KCNIP1: variants seen among roughly 807,000 people sequenced by gnomAD.
The protein encoded by KCNIP1 is A-type potassium channel modulatory protein KCNIP1.
A neutral mutation model predicts 33.0 loss-of-function variants in KCNIP1; 18 were observed. That is an observed-to-expected ratio of 0.55 (90% CI 0.38 to 0.81). KCNIP1 has a LOEUF of 0.81. Among genes scored for constraint, KCNIP1 ranks in the 30% least tolerant of loss-of-function variants. KCNIP1 has a pLI of 0.00. For missense variants in KCNIP1, 238 were observed against 271.6 expected (o/e 0.88, Z 0.87); for synonymous variants, 93 against 98.3 (o/e 0.95, Z 0.32).
chr5:170,670,906 A>AAT (rs1554109758), intron 1 of KCNIP1, among the ~76,000 whole-genome samples: 1 of 131,186 alleles, frequency 7.6e-6, no homozygotes, highest in African/African-American at 3.5e-5. Flanking sequence ...AAAAAACAAA[A>AAT]AAAAAAATAA....
chr5:170,537,482 C>A (rs888741151), intron 1 of KCNIP1, among the ~76,000 whole-genome samples: 2 of 152,194 alleles, frequency 1.3e-5, no homozygotes, highest in Admixed American at 1.3e-4. Flanking sequence ...GTAAATGCCT[C>A]CTCACCCCCT....
intron 1 of KCNIP1, among the ~76,000 whole-genome samples, chr5:170,638,442 A>G (rs1339408137): frequency 6.6e-6 from 1 of 152,174 alleles, no homozygotes; most frequent in East Asian, 1.9e-4. Flanking sequence ...AACTTACCCA[A>G]GGTCACACAA....
intron 1 of KCNIP1, among the ~76,000 whole-genome samples, chr5:170,443,403 C>T (rs1291711849): frequency 1.3e-5 from 2 of 152,146 alleles, no homozygotes; most frequent in Non-Finnish European, 2.9e-5. Context: ...AGGTCAAAAC[C>T]AATTCATGGA....
At chr5:170,471,677 G>T (rs1756731500) in intron 1 of KCNIP1, among the ~76,000 whole-genome samples, 1 of 152,114 alleles carries the variant, frequency 6.6e-6, no homozygotes, top group Admixed American at 6.5e-5. Context: ...GTGCTGAACT[G>T]AACTGCTGCT....
At chr5:170,521,573 A>G (rs962440641) in intron 1 of KCNIP1, among the ~76,000 whole-genome samples, 4 of 152,238 alleles carry the variant, frequency 2.6e-5, no homozygotes, top group Admixed American at 2.0e-4. Flanking sequence ...AAGTAACATC[A>G]GCTTACGTCT....
intron 1 of KCNIP1, among the ~76,000 whole-genome samples, chr5:170,505,921 G>A (rs937117430): frequency 4.6e-5 from 7 of 152,218 alleles, no homozygotes; most frequent in Non-Finnish European, 1.0e-4. Context: ...TGGCAAGGAA[G>A]GGACTGGTTG....
chr5:170,368,404 A>G (rs550854634), intron 1 of KCNIP1, among the ~76,000 whole-genome samples: 1 of 152,262 alleles, frequency 6.6e-6, no homozygotes, highest in East Asian at 1.9e-4. Flanking sequence ...AGCTGGGACT[A>G]CAGGTGCCGG....
chr5:170,501,298 A>G (rs1757405765), upstream of KCNIP1, among the ~76,000 whole-genome samples: 1 of 152,076 alleles, frequency 6.6e-6, no homozygotes, highest in South Asian at 2.1e-4. Context: ...ATTCCAGGCA[A>G]GGGGAACAGC....
chr5:170,485,216 AG>A (rs1233995101), intron 1 of KCNIP1, among the ~76,000 whole-genome samples: 1 of 152,150 alleles, frequency 6.6e-6, no homozygotes, highest in African/African-American at 2.4e-5. Flanking sequence ...CCAGGATTAT[AG>A]GTGTAAGCCA....
intron 1 of KCNIP1, among the ~76,000 whole-genome samples, chr5:170,662,924 C>CT (rs935013504): frequency 3.0e-4 from 46 of 152,350 alleles, no homozygotes; most frequent in African/African-American, 1.1e-3. Flanking sequence ...AGCCAAGAAT[C>CT]TGAGTTGCAA....
At chr5:170,506,743 G>A (rs1024968496) in intron 1 of KCNIP1, among the ~76,000 whole-genome samples, 3 of 152,150 alleles carry the variant, frequency 2.0e-5, no homozygotes, top group Non-Finnish European at 4.4e-5. Context: ...TAGCAGGTTC[G>A]GGGCCAATGG....
intron 5 of KCNIP1, among the ~76,000 whole-genome samples, chr5:170,724,130 T>C (rs146556961): frequency 6.6e-6 from 1 of 152,210 alleles, no homozygotes; most frequent in South Asian, 2.1e-4. Context: ...TAGCTCTGTA[T>C]TATTTAGAGA....
chr5:170,501,507 A>C (rs1461477122), upstream of KCNIP1, among the ~76,000 whole-genome samples: 1 of 152,216 alleles, frequency 6.6e-6, no homozygotes, highest in Non-Finnish European at 1.5e-5. Context: ...TACTGTTCAG[A>C]GGCAGCCAAT....
At chr5:170,485,191 C>T (rs548931189) in intron 1 of KCNIP1, among the ~76,000 whole-genome samples, 37 of 152,256 alleles carry the variant, frequency 2.4e-4, no homozygotes, top group African/African-American at 7.7e-4. Flanking sequence ...CTGCCTGCCT[C>T]GGCCTCTCAA....
intron 1 of KCNIP1, among the ~76,000 whole-genome samples, chr5:170,431,289 C>A (rs369612158): frequency 6.6e-6 from 1 of 152,162 alleles, no homozygotes; most frequent in Non-Finnish European, 1.5e-5. Context: ...AGTGAGGAGT[C>A]GGCACGAATC....
At chr5:170,392,811 G>A (rs368311635) in intron 1 of KCNIP1, among the ~76,000 whole-genome samples, 2 of 152,174 alleles carry the variant, frequency 1.3e-5, no homozygotes, top group African/African-American at 4.8e-5. Context: ...GCGACAGAGT[G>A]AGACTCCATC....
rs557876492 is a variant in KCNIP1, at chr5:170,523,934, A to G, written c.61+19301A>G. Among the ~76,000 whole-genome samples, 8 of 152,166 alleles carry G rather than the reference A, an allele frequency of 5.3e-5. 1 individual carries two copies. Among genetic ancestry groups the G allele is most frequent in the African/African-American group, 1.9e-4 (8 of 41,518 alleles). ...AGTCCTTTCCCACTCCCTGTGCACCATCCGAAGCCAGGTCATGTCAGTTCT... is the reference window on the plus strand; with the variant it reads ...AGTCCTTTCCCACTCCCTGTGCACCGTCCGAAGCCAGGTCATGTCAGTTCT... On this transcript the variant is annotated intron_variant, in intron 1 of 7. Transcript: ENST00000328939.
At chr5:170,721,314 T>A (rs1763813384) in intron 3 of KCNIP1, among the ~76,000 whole-genome samples, 1 of 152,174 alleles carries the variant, frequency 6.6e-6, no homozygotes, top group Non-Finnish European at 1.5e-5. Flanking sequence ...GAGTTCTCAC[T>A]GTATGCCAGG....
rs116927741 is a variant in KCNIP1, at chr5:170,586,497, G to C, written c.61+81864G>C. 7.3e-4 allele frequency among the ~76,000 whole-genome samples: 111 copies of C among 151,800 alleles called. 2 individuals carry two copies. The East Asian group carries it at 0.02, about 27-fold the overall frequency. ...ATTGAATTACCTTTGGAGTTATACA[G>C]ATGTGCTGAAATTTACTGTCAGCAA... On this transcript the variant is annotated intron_variant, in intron 1 of 7. Transcript: ENST00000328939.
Sources: gnomAD v4.1 joint callset for allele counts (sites outside exome capture counted in the v4.1 genomes callset) on GRCh38, gnomAD v4.1.1 for gene constraint, MANE v1.5 for transcripts, NCBI Gene and HGNC (gene_info 2026-07-23, HGNC 2026-07-21) for gene names.